MIB1: variants seen among roughly 807,000 people sequenced by gnomAD.
MIB1 encodes the protein E3 ubiquitin-protein ligase MIB1.
MIB1 carries 278 observed loss-of-function variants against 124.5 expected under a neutral mutation model. That is an observed-to-expected ratio of 2.23 (90% confidence interval 2.02 to 2.47). MIB1 has a LOEUF of 2.47. MIB1 is among the 30% of genes most tolerant of loss of function. MIB1 has a pLI of 0.00. For synonymous variants in MIB1, 446 were observed against 429.4 expected, an observed-to-expected ratio of 1.04 and a Z score of -0.48; for missense variants, 957 against 1,254.4, an observed-to-expected ratio of 0.76 and a Z score of 3.58.
chr18:21,776,624 T>C (rs2041290843), intron 4 of MIB1, among the ~76,000 whole-genome samples: 1 of 152,220 alleles, frequency 6.6e-6, no homozygotes, highest in South Asian at 2.1e-4. Context: ...CTTAGTAATT[T>C]GTTTCCTTGT....
intron 1 of MIB1, among the ~76,000 whole-genome samples, chr18:21,744,987 C>T (rs2040896269): frequency 6.6e-6 from 1 of 152,048 alleles, no homozygotes; most frequent in Non-Finnish European, 1.5e-5. Context: ...AAGTCACTGC[C>T]CTGGAGAGAA....
chr18:21,849,029 G>A (rs1207279410), intron 16 of MIB1, among the ~76,000 whole-genome samples, 167 bp from the exon 17 acceptor site: 1 of 152,054 alleles, frequency 6.6e-6, no homozygotes, highest in Non-Finnish European at 1.5e-5. Flanking sequence ...ATGCAGAGAC[G>A]CATATAAACA....
intron 12 of MIB1, among the ~76,000 whole-genome samples, chr18:21,837,099 G>A (rs2042040396): frequency 6.6e-6 from 1 of 152,294 alleles, no homozygotes; most frequent in Non-Finnish European, 1.5e-5. Context: ...AGAGCCTATA[G>A]CTTTCCAAAG....
rs774725850 is a variant in MIB1 at position 21,835,801 on chromosome 18, C to CCACA, written c.1830-2529_1830-2526dup. On this transcript the variant is annotated intron_variant, in intron 12 of 20. Coordinates refer to ENST00000261537, the MANE Select transcript of MIB1 (RefSeq NM_020774.4). ...AAAAAAAAAATATATATATATATATCCACACACACACACACACACACACAC... is the reference window on the plus strand; with the variant it reads ...AAAAAAAAAATATATATATATATATCCACACACACACACACACACACACACACAC... Among the ~76,000 whole-genome samples the CCACA allele has an allele frequency of 6.5e-4, 66 of 101,584 alleles. 2 individuals are homozygous for CCACA. The highest frequency in any genetic ancestry group is 2.2e-3 in the African/African-American group (57 of 25,918). 66.6% of individuals were successfully genotyped at this position (101,584 alleles called of 152,430 possible).
intron 12 of MIB1, among the ~76,000 whole-genome samples, chr18:21,829,931 T>C (rs572251075): frequency 6.6e-6 from 1 of 152,254 alleles, no homozygotes; most frequent in East Asian, 1.9e-4. Context: ...TGGGTTTTAT[T>C]TACCTTGATA....
chr18:21,868,664 A>G lies in MIB1; in HGVS notation c.*3998A>G, dbSNP rs542129527. On this transcript the variant is annotated 3_prime_UTR_variant, in exon 21 of 21. Coordinates refer to ENST00000261537, the MANE Select transcript of MIB1 (RefSeq NM_020774.4). ...AAATATGTTTTCCCTCAAAAAGGCA[A>G]CGTTACTTCATTTGCTTGAATATTA... 1 of 152,558 alleles carries G rather than the reference A, an allele frequency of 6.6e-6. No individual in the cohort carries two copies. The highest frequency in any genetic ancestry group is 6.5e-5 in the Admixed American group (1 of 15,282). 9.5% of individuals were successfully genotyped at this position (152,558 alleles called of 1,614,324 possible).
chr18:21,728,980 A>T (rs568293027), intron 1 of MIB1, among the ~76,000 whole-genome samples: 1 of 152,214 alleles, frequency 6.6e-6, no homozygotes, highest in South Asian at 2.1e-4. Context: ...CCACAACTCA[A>T]AGAATGTCGT....
At chr18:21,740,001 T>C (rs1400391629), upstream of MIB1, among the ~76,000 whole-genome samples, 2 of 152,210 alleles carry the variant, frequency 1.3e-5, no homozygotes, top group East Asian at 1.9e-4. Flanking sequence ...GGGTACATTT[T>C]ACGTCCGTTT....
intron 17 of MIB1, among the ~76,000 whole-genome samples, chr18:21,851,904 T>G (rs2042183537): frequency 6.6e-6 from 1 of 152,182 alleles, no homozygotes. Flanking sequence ...AGATATGGTT[T>G]TTAGATCAGT....
At chr18:21,771,751 C>T (rs1047106870) in intron 3 of MIB1, among the ~76,000 whole-genome samples, 1 of 151,818 alleles carries the variant, frequency 6.6e-6, no homozygotes, top group African/African-American at 2.4e-5. Flanking sequence ...TTTACATATG[C>T]TTTGGGAGGC....
At chr18:21,705,443 C>G (rs2040615702) in intron 1 of MIB1, among the ~76,000 whole-genome samples, 1 of 152,182 alleles carries the variant, frequency 6.6e-6, no homozygotes, top group South Asian at 2.1e-4. Context: ...TATGGAAATT[C>G]ACACCGATTA....
intron 12 of MIB1, among the ~76,000 whole-genome samples, chr18:21,832,295 C>G (rs192518280): frequency 2.5e-4 from 38 of 152,182 alleles, no homozygotes; most frequent in African/African-American, 8.4e-4. Context: ...TCTACATTGT[C>G]ATGTTTCTCT....
chr18:21,707,635 A>G (rs1446827165), intron 1 of MIB1, among the ~76,000 whole-genome samples: 1 of 152,180 alleles, frequency 6.6e-6, no homozygotes, highest in Non-Finnish European at 1.5e-5. Context: ...TCCGAAGATC[A>G]GAAGGAACCA....
At chr18:21,767,950 C>T (rs956515542) in intron 2 of MIB1, among the ~76,000 whole-genome samples, 1 of 152,156 alleles carries the variant, frequency 6.6e-6, no homozygotes, top group African/African-American at 2.4e-5. Context: ...ATACAGAAGA[C>T]TATCAGTACT....
At chr18:21,724,738 A>ATATATATG (rs2040733031) in intron 1 of MIB1, among the ~76,000 whole-genome samples, 1 of 71,528 alleles carries the variant, frequency 1.4e-5, no homozygotes, top group African/African-American at 6.0e-5. Flanking sequence ...ATATATATAT[A>ATATATATG]TATATATATA....
chr18:21,708,958 G>A (rs1242873260), intron 1 of MIB1, among the ~76,000 whole-genome samples: 1 of 152,192 alleles, frequency 6.6e-6, no homozygotes, highest in Non-Finnish European at 1.5e-5. Context: ...AATGGTATGT[G>A]ATAGCTGATG....
At chr18:21,814,235 C>T (rs145447611) in intron 10 of MIB1, among the ~76,000 whole-genome samples, 1 of 152,074 alleles carries the variant, frequency 6.6e-6, no homozygotes, top group African/African-American at 2.4e-5. Flanking sequence ...GTTTATGCTT[C>T]GTTTTTATCT....
At chr18:21,840,629 A>G (rs1012213527) in intron 13 of MIB1, among the ~76,000 whole-genome samples, 67 of 6,130 alleles carry the variant, frequency 0.011, no homozygotes, top group East Asian at 0.058. Context: ...TCTCTACTGT[A>G]TATATATATA....
At chr18:21,858,444 T>C (rs1238336015) in intron 19 of MIB1, 102 bp from the exon 20 acceptor site, 3 of 609,620 alleles carry the variant, frequency 4.9e-6, no homozygotes, top group Non-Finnish European at 8.4e-6. Context: ...ATTTTAATAA[T>C]AGTTTTATGT....
Sources: gnomAD v4.1 joint callset for allele counts (sites outside exome capture counted in the v4.1 genomes callset) on GRCh38, gnomAD v4.1.1 for gene constraint, MANE v1.5 for transcripts, NCBI Gene and HGNC (gene_info 2026-07-23, HGNC 2026-07-21) for gene names.